The following TRIM37 variants were observed in gnomAD, a reference collection of about 807,000 sequenced individuals.
TRIM37 encodes E3 ubiquitin-protein ligase TRIM37.
Under a neutral mutation model 129.8 loss-of-function variants are expected in TRIM37, and 80 were observed. That is an observed-to-expected ratio of 0.62 (90% CI 0.51 to 0.74). The LOEUF (loss-of-function observed/expected upper bound fraction) is 0.74, where lower values mean the gene tolerates loss of function less well. TRIM37 is among the 30% of genes least tolerant of loss of function. TRIM37 has a pLI of 0.00. For synonymous variants in TRIM37, 389 were observed against 387.1 expected (o/e 1.00, Z -0.06); for missense variants, 1,054 against 1,176.5 (o/e 0.90, Z 1.52).
chr17:59,018,181 A>T (rs1220452133), intron 19 of TRIM37, among the ~76,000 whole-genome samples: 1 of 152,242 alleles, frequency 6.6e-6, no homozygotes, highest in Non-Finnish European at 1.5e-5. Flanking sequence ...TAGGGAAAAA[A>T]GGGACTATAT....
intron 11 of TRIM37, among the ~76,000 whole-genome samples, chr17:59,061,810 C>T (rs1158104560): frequency 6.6e-6 from 1 of 152,110 alleles, no homozygotes; most frequent in African/African-American, 2.4e-5. Context: ...CCTTATACAT[C>T]TCCAGTGTCT....
chr17:59,001,513 AG>A (rs1702779547), intron 23 of TRIM37, 84 bp downstream of exon 23: 4 of 1,570,514 alleles, frequency 2.5e-6, no homozygotes, highest in Non-Finnish European at 3.5e-6. Flanking sequence ...CGGAAAAAGT[AG>A]AAGTAGCAGC....
chr17:59,101,506 T>TA (rs1325853033), intron 2 of TRIM37, among the ~76,000 whole-genome samples: 2 of 151,336 alleles, frequency 1.3e-5, no homozygotes, highest in Non-Finnish European at 2.9e-5. Context: ...AGGGAGATAA[T>TA]AACTAATTGC....
At chr17:59,094,930 G>A (rs543611964) in intron 2 of TRIM37, among the ~76,000 whole-genome samples, 2 of 152,270 alleles carry the variant, frequency 1.3e-5, no homozygotes, top group African/African-American at 4.8e-5. Context: ...AAAAGTCATG[G>A]ACCAGTCGGG....
Position 59,057,016 on chromosome 17 carries a change from T to TTTG in TRIM37, c.1057_1058insCAA (p.Cys352_Asn353insThr). 6.2e-7 allele frequency: 1 copy of TTTG among 1,613,662 alleles called. No homozygotes were observed. The highest frequency in any genetic ancestry group is 8.5e-7 in the Non-Finnish European group (1 of 1,179,870). Reference sequence around the variant, plus strand: ...TCGAATGATATTTTTTGTAGGATCATTACAGGACTGGTGAACCATCTCTAC... The same window carrying TTTG: ...TCGAATGATATTTTTTGTAGGATCATTTGTACAGGACTGGTGAACCATCTCTAC... On this transcript the variant is annotated inframe_insertion, in exon 13 of 24. Transcript: ENST00000262294.
intron 7 of TRIM37, among the ~76,000 whole-genome samples, 196 bp downstream of exon 7, chr17:59,079,558 C>T (rs1181957891): frequency 6.6e-6 from 1 of 152,114 alleles, no homozygotes; most frequent in Non-Finnish European, 1.5e-5. Context: ...GGATTTTCAT[C>T]CAAATGGCTA....
chr17:58,996,712 T>G (rs1267572939), downstream of TRIM37, among the ~76,000 whole-genome samples: 1 of 148,904 alleles, frequency 6.7e-6, no homozygotes, highest in Non-Finnish European at 1.5e-5. Flanking sequence ...GAGGCTGCAG[T>G]GAGCCAAGCT....
At chr17:59,067,923 T>C (rs1360775130) in intron 9 of TRIM37, among the ~76,000 whole-genome samples, 2 of 152,216 alleles carry the variant, frequency 1.3e-5, no homozygotes, top group Non-Finnish European at 2.9e-5. Context: ...ACTTCACTGA[T>C]TTAGTGACCT....
chr17:59,055,047 A>G (rs943015298), intron 13 of TRIM37, among the ~76,000 whole-genome samples: 3 of 151,938 alleles, frequency 2.0e-5, no homozygotes, highest in Admixed American at 1.3e-4. Context: ...ATAAAAATTG[A>G]TGGTTTTGGC....
chr17:59,041,782 T>G, intron 17 of TRIM37, 31 bp downstream of exon 17: 1 of 1,525,248 alleles, frequency 6.6e-7, no homozygotes, highest in Non-Finnish European at 9.1e-7. Flanking sequence ...GAAAACAGAA[T>G]GGCTTGGAGG....
chr17:58,992,476 G>T (rs1822855633), intron 24 of TRIM37, among the ~76,000 whole-genome samples: 1 of 151,786 alleles, frequency 6.6e-6, no homozygotes, highest in Non-Finnish European at 1.5e-5. Flanking sequence ...CACCTCCCGG[G>T]TTCAAGTGAT....
intron 22 of TRIM37, among the ~76,000 whole-genome samples, chr17:59,006,893 A>C (rs1230008046): frequency 6.7e-6 from 1 of 150,042 alleles, no homozygotes; most frequent in Non-Finnish European, 1.5e-5. Flanking sequence ...TGTCTCCAAA[A>C]AATAAATAAA....
At chr17:59,046,148 A>T (rs1185436130) in intron 16 of TRIM37, among the ~76,000 whole-genome samples, 1 of 152,222 alleles carries the variant, frequency 6.6e-6, no homozygotes, top group Non-Finnish European at 1.5e-5. Context: ...ACCACTTGGC[A>T]ATCAACACAG....
intron 16 of TRIM37, among the ~76,000 whole-genome samples, chr17:59,042,592 GTC>G (rs781174448): frequency 6.5e-4 from 98 of 150,938 alleles, no homozygotes; most frequent in Non-Finnish European, 1.1e-3. Context: ...GCAAAACCCT[GTC>G]TCTCCTAAAA....
At position 58,999,438 on chromosome 17, in the gene TRIM37, T is replaced by C. The variant is rs759490070; in HGVS notation, c.2834A>G (p.Asp945Gly). Residue 945 changes from aspartate (D) to glycine (G), a missense_variant, in exon 24 of 24, where the codon GAT (aspartate) becomes GGT (glycine). Transcript: ENST00000262294. Reference protein sequence around the residue: ...PDEDTHSSFPDGEQIGPEDLS... With the variant: ...PDEDTHSSFPGGEQIGPEDLS... ...ATCTTCAGGGCCTATTTGTTCACCA[T>C]CAGGAAAACTGGAATGTGTATCTAT... The C allele has an allele frequency of 5.7e-5, 92 of 1,613,398 alleles. No individual in the cohort carries two copies. In the East Asian group the frequency reaches 1.8e-3, roughly 31 times the overall value.
the TRIM37 span, chr17:58,973,033 C>T: frequency 1.5e-6 from 1 of 674,426 alleles, no homozygotes; most frequent in Non-Finnish European, 2.5e-6. Flanking sequence ...TACCAGAATG[C>T]TTATTATTCT....
intron 4 of TRIM37, among the ~76,000 whole-genome samples, chr17:59,087,049 C>A (rs534689369): frequency 2.4e-4 from 36 of 152,252 alleles, no homozygotes; most frequent in African/African-American, 8.2e-4. Context: ...CTACAAGTGA[C>A]AGAATTCCTT....
chr17:59,101,841 A>T (rs925355940), intron 2 of TRIM37, among the ~76,000 whole-genome samples: 2 of 150,996 alleles, frequency 1.3e-5, no homozygotes, highest in African/African-American at 2.4e-5. Flanking sequence ...TGAGAGGCTG[A>T]GGCAGGAAAA....
At chr17:59,076,192 A>G (rs927444354) in intron 7 of TRIM37, among the ~76,000 whole-genome samples, 1 of 152,214 alleles carries the variant, frequency 6.6e-6, no homozygotes, top group East Asian at 1.9e-4. Flanking sequence ...TGTTTAAAAA[A>G]AAAAATGCCC....
Sources: gnomAD v4.1 joint callset for allele counts (sites outside exome capture counted in the v4.1 genomes callset) on GRCh38, gnomAD v4.1.1 for gene constraint, MANE v1.5 for transcripts, NCBI Gene and HGNC (gene_info 2026-07-23, HGNC 2026-07-21) for gene names.